Variants in CXADR observed in about 807,000 individuals in gnomAD.
The protein encoded by CXADR is CXADR cell adhesion molecule, also known as coxsackievirus and adenovirus receptor.
In CXADR, 20 loss-of-function variants were observed where a neutral mutation model predicts 40.3. The ratio of observed to expected loss-of-function variants is 0.50; its 90% CI spans 0.35 to 0.72. The LOEUF is 0.72. CXADR is among the 30% of genes least tolerant of loss of function. The pLI, the probability that CXADR is intolerant of heterozygous loss-of-function variation, is 0.01. For synonymous variants in CXADR, 150 were observed against 161.3 expected, an observed-to-expected ratio of 0.93 and a Z score of 0.53; for missense variants, 332 against 449.1, an observed-to-expected ratio of 0.74 and a Z score of 2.36.
intron 1 of CXADR, among the ~76,000 whole-genome samples, chr21:17,537,189 T>G (rs1394916474): frequency 6.6e-6 from 1 of 152,232 alleles, no homozygotes; most frequent in Non-Finnish European, 1.5e-5. Context: ...TGATTTGTCT[T>G]TTTCCCCTTA....
At chr21:17,537,271 G>A (rs2060770582) in intron 1 of CXADR, among the ~76,000 whole-genome samples, 1 of 152,128 alleles carries the variant, frequency 6.6e-6, no homozygotes, top group South Asian at 2.1e-4. Context: ...GGTTCATTTT[G>A]TTGTCAATTT....
the CXADR span, among the ~76,000 whole-genome samples, chr21:17,616,776 T>A: frequency 6.6e-6 from 1 of 152,178 alleles, no homozygotes; most frequent in East Asian, 1.9e-4. Flanking sequence ...TCTGAGACTA[T>A]AATTTTAAGA....
chr21:17,629,387 CAAAAAA>C, the CXADR span, among the ~76,000 whole-genome samples: 2 of 80,586 alleles, frequency 2.5e-5, no homozygotes, highest in African/African-American at 4.2e-5. Context: ...GACTGTGTCT[CAAAAAA>C]AAAAAAAAAA....
intron 2 of CXADR, among the ~76,000 whole-genome samples, chr21:17,548,691 C>G (rs2060929320): frequency 6.6e-6 from 1 of 152,176 alleles, no homozygotes; most frequent in Non-Finnish European, 1.5e-5. Flanking sequence ...AGCTTGTGAC[C>G]AGGTGCATGT....
chr21:17,602,957 G>T, the CXADR span, among the ~76,000 whole-genome samples: 3 of 152,186 alleles, frequency 2.0e-5, no homozygotes, highest in South Asian at 4.1e-4. Flanking sequence ...ATTTGATTGT[G>T]TGATAACATA....
chr21:17,513,410 G>T lies in CXADR; in HGVS notation c.43+238G>T, dbSNP rs187515032. On this transcript the variant is annotated intron_variant, in intron 1 of 6. Coordinates refer to ENST00000284878, the MANE Select transcript of CXADR (RefSeq NM_001338.5). ...GGAGTGCCCGGGGACGGAGCCCTCG[G>T]CGGGGGGTGGAGGCGGAGGGGCTCG... Among the ~76,000 whole-genome samples, 391 of 152,146 alleles carry T rather than the reference G, an allele frequency of 2.6e-3. 4 individuals carry two copies. Among genetic ancestry groups the T allele is most frequent in the East Asian group, 0.019 (96 of 5,106 alleles).
chr21:17,551,635 T>C (rs542756953), intron 2 of CXADR, 114 bp from the exon 3 acceptor site: 2 of 823,596 alleles, frequency 2.4e-6, no homozygotes, highest in South Asian at 1.9e-5. Context: ...TTCTTCTTTT[T>C]CTTTTCTGGG....
chr21:17,593,610 C>G (rs2061463617), downstream of CXADR: 1 of 161,234 alleles, frequency 6.2e-6, no homozygotes, highest in Admixed American at 6.5e-5. Flanking sequence ...AGGGAAATAC[C>G]CGTTCTTTTC....
the CXADR span, among the ~76,000 whole-genome samples, chr21:17,632,753 C>T: frequency 3.3e-5 from 5 of 152,138 alleles, no homozygotes; most frequent in Admixed American, 6.5e-5. Context: ...CCTGTAGTCC[C>T]AGCTACTCAG....
At chr21:17,559,691 T>C (rs2846883) in intron 4 of CXADR, among the ~76,000 whole-genome samples, 55,751 of 126,872 alleles carry the variant, frequency 0.44, 14,680 homozygotes, top group Non-Finnish European at 0.6. Flanking sequence ...TTTTTTTTTT[T>C]CCGAGACAAG....
In CXADR at chr21:17,569,278, G is replaced by A. The variant is rs927200147; in HGVS notation, c.*3586G>A. On this transcript the variant is annotated 3_prime_UTR_variant, in exon 7 of 7. Transcript: ENST00000284878. ...AACAGAAAAAGTTCATATTTTATGTGGTTAATGCTTTGATGTGTCACATAA... is the reference window on the plus strand; with the variant it reads ...AACAGAAAAAGTTCATATTTTATGTAGTTAATGCTTTGATGTGTCACATAA... 85 of 985,180 alleles carry A rather than the reference G, an allele frequency of 8.6e-5. 1 individual carries two copies. The African/African-American group carries it at 1.4e-3, about 16-fold the overall frequency. The allele number at this position is 985,180 out of a possible 1,614,324, so 61.0% of individuals were successfully genotyped here.
intron 1 of CXADR, among the ~76,000 whole-genome samples, chr21:17,537,960 A>G (rs373300637): frequency 6.6e-6 from 1 of 152,182 alleles, no homozygotes; most frequent in East Asian, 1.9e-4. Flanking sequence ...AACTGAGACC[A>G]TAGTAAGCCT....
chr21:17,610,016 T>C, the CXADR span, among the ~76,000 whole-genome samples: 5 of 152,176 alleles, frequency 3.3e-5, no homozygotes, highest in African/African-American at 4.8e-5. Context: ...AGTACTAATA[T>C]AAGCTACAAC....
chr21:17,569,425 T>C lies in CXADR; in HGVS notation c.*3733T>C, dbSNP rs1020298557. ...TTCCTGTGTTTAGTAGTGTAAATGT[T>C]CTGGGCAAGTTTTAATATTTTGAAT... On this transcript the variant is annotated 3_prime_UTR_variant, in exon 7 of 7. Coordinates refer to ENST00000284878, the MANE Select transcript of CXADR (RefSeq NM_001338.5). The C allele has an allele frequency of 4.1e-5, 40 of 984,944 alleles. No homozygotes were observed. Among genetic ancestry groups the C allele is most frequent in the Non-Finnish European group, 4.8e-5 (40 of 829,876 alleles). 61.0% of individuals were successfully genotyped at this position (984,944 alleles called of 1,614,324 possible). A position where few individuals can be genotyped will look rare whatever the true frequency, so the allele number is the denominator to read the frequency against.
intron 1 of CXADR, chr21:17,518,413 AATATTT>A: frequency 1.7e-6 from 1 of 589,854 alleles, no homozygotes; most frequent in South Asian, 2.2e-5. Flanking sequence ...TAATATACAA[AATATTT>A]ATATTAGTGA....
chr21:17,532,584 A>G lies in CXADR; in HGVS notation c.44-14443A>G, dbSNP rs551215681. Among the ~76,000 whole-genome samples, 6 of 152,270 alleles carry G rather than the reference A, an allele frequency of 3.9e-5. 1 individual carries two copies. Among genetic ancestry groups the G allele is most frequent in the Admixed American group, 2.6e-4 (4 of 15,294 alleles). ...TCTAATTGCCAAATCTAGTGGATAC[A>G]TTTCAGTGTCATTTTTTTTACATAA... On this transcript the variant is annotated intron_variant, in intron 1 of 6. Transcript: ENST00000284878.
chr21:17,549,774 G>C (rs1400093392), intron 2 of CXADR, among the ~76,000 whole-genome samples: 2 of 152,176 alleles, frequency 1.3e-5, no homozygotes, highest in Non-Finnish European at 2.9e-5. Context: ...AGCATAATGA[G>C]CTATTGGAAG....
chr21:17,573,417 T>C (rs2061295480), downstream of CXADR, among the ~76,000 whole-genome samples: 1 of 152,162 alleles, frequency 6.6e-6, no homozygotes, highest in African/African-American at 2.4e-5. Flanking sequence ...TGTGCATTGG[T>C]ATAAAACATG....
At chr21:17,548,699 T>G (rs1460576516) in intron 2 of CXADR, among the ~76,000 whole-genome samples, 1 of 152,206 alleles carries the variant, frequency 6.6e-6, no homozygotes, top group East Asian at 1.9e-4. Flanking sequence ...ACCAGGTGCA[T>G]GTAGAGACCA....
Sources: gnomAD v4.1 joint callset for allele counts (sites outside exome capture counted in the v4.1 genomes callset) on GRCh38, gnomAD v4.1.1 for gene constraint, MANE v1.5 for transcripts, NCBI Gene and HGNC (gene_info 2026-07-23, HGNC 2026-07-21) for gene names.